Variants in FAM53A observed in about 807,000 individuals in gnomAD.
FAM53A encodes the protein protein FAM53A.
A neutral mutation model predicts 26.6 loss-of-function variants in FAM53A; 28 were observed. That is an observed-to-expected ratio of 1.05 (90% CI 0.78 to 1.45). FAM53A has a LOEUF of 1.45. Among genes scored for constraint, FAM53A ranks in the 40% most tolerant of loss-of-function variants. The probability of loss-of-function intolerance (pLI) is 0.00; values close to 1 mark genes in which losing one functional copy is unlikely to be tolerated. For synonymous variants in FAM53A, 290 were observed against 253.1 expected (o/e 1.15, Z -1.38); for missense variants, 650 against 575.8 (o/e 1.13, Z -1.32).
chr4:1,620,338 C>T (rs1484781049), intron 1 of FAM53A, among the ~76,000 whole-genome samples: 1 of 152,154 alleles, frequency 6.6e-6, no homozygotes, highest in Non-Finnish European at 1.5e-5. Context: ...CCTCCGCAGA[C>T]ATCCCACAGA....
chr4:1,652,387 A>AC (rs1712922708), intron 4 of FAM53A, among the ~76,000 whole-genome samples: 2 of 90,174 alleles, frequency 2.2e-5, no homozygotes, highest in Admixed American at 1.1e-4. Context: ...CACACATCAC[A>AC]TGCACACCAC....
chr4:1,623,341 C>T (rs1375665380), intron 1 of FAM53A, among the ~76,000 whole-genome samples: 1 of 144,894 alleles, frequency 6.9e-6, no homozygotes, highest in East Asian at 1.9e-4. Context: ...CACCCCCACC[C>T]CCACCGCAGC....
intron 2 of FAM53A, among the ~76,000 whole-genome samples, chr4:1,658,262 T>G (rs536906830): frequency 6.7e-6 from 1 of 150,260 alleles, no homozygotes; most frequent in African/African-American, 2.4e-5. Flanking sequence ...CCTCGTGATC[T>G]TCCCGCCTCA....
chr4:1,661,739 C>T (rs1560182597), intron 2 of FAM53A, among the ~76,000 whole-genome samples: 1 of 152,142 alleles, frequency 6.6e-6, no homozygotes, highest in Non-Finnish European at 1.5e-5. Context: ...GTGCCCACTC[C>T]CCTCCCACCG....
Position 1,655,068 on chromosome 4 carries a change from C to A in FAM53A, c.792G>T (p.Val264=). The A allele has an allele frequency of 6.2e-7, 1 of 1,600,452 alleles. No homozygotes were observed. The highest frequency in any genetic ancestry group is 8.5e-7 in the Non-Finnish European group (1 of 1,173,284). ...GLLRCRSQPC[V]LSGKRSRRKR... ...TGCGCCGGCTCCTCTTCCCACTGAG[C>A]ACGCAAGGCTGTGAGCGGCACCGGA... The change falls in exon 4 of 5, where the codon GTG becomes GTT. Residue 264 remains valine (V), a synonymous_variant. Transcript: ENST00000308132.
At chr4:1,616,207 C>A (rs1714805945), downstream of FAM53A, among the ~76,000 whole-genome samples, 1 of 152,200 alleles carries the variant, frequency 6.6e-6, no homozygotes, top group African/African-American at 2.4e-5. Context: ...AATAAAACCA[C>A]AAAATGAAAC....
intron 1 of FAM53A, among the ~76,000 whole-genome samples, chr4:1,623,433 G>A (rs964358457): frequency 5.3e-5 from 8 of 151,890 alleles, no homozygotes; most frequent in South Asian, 2.1e-4. Flanking sequence ...GCTTGGCCAC[G>A]GTCTCAGGCC....
At position 1,649,019 on chromosome 4, in the gene FAM53A, A is replaced by G. The variant is rs113119623; in HGVS notation, c.882+5959T>C. On this transcript the variant is annotated intron_variant, in intron 4 of 4. Coordinates refer to ENST00000308132, the MANE Select transcript of FAM53A (RefSeq NM_001174070.3). ...TCCCAGACACTTGGGAAGCTGACGC[A>G]GGAGAATCTCTGGAATCTGGGAGGC... Among the ~76,000 whole-genome samples the G allele has an allele frequency of 3.8e-3, 572 of 152,284 alleles. 3 individuals carry two copies. The highest frequency in any genetic ancestry group is 0.013 in the African/African-American group (548 of 41,558).
chr4:1,634,350 G>A (rs557494769), intron 1 of FAM53A, among the ~76,000 whole-genome samples: 9 of 151,972 alleles, frequency 5.9e-5, no homozygotes, highest in South Asian at 2.1e-4. Context: ...CTCCACACCC[G>A]TCCACACACA....
At position 1,668,704 on chromosome 4, in the gene FAM53A, C is replaced by A. The variant is rs770548701; in HGVS notation, c.38G>T (p.Ser13Ile). 2 of 1,614,204 alleles carry A rather than the reference C, an allele frequency of 1.2e-6. No individual in the cohort carries two copies. Among genetic ancestry groups the A allele is most frequent in the Admixed American group, 3.3e-5 (2 of 60,028 alleles). ...TLITEKLQSQ[S>I]LDDLTCKAEA... is the part of the protein sequence containing the mutation. ...CGCCTTGCAGGTGAGGTCGTCCAGGCTCTGGCTCTGCAGCTTCTCAGTGAT... is the reference window on the plus strand; with the variant it reads ...CGCCTTGCAGGTGAGGTCGTCCAGGATCTGGCTCTGCAGCTTCTCAGTGAT... The change falls in exon 2 of 5, where the codon AGC (serine) becomes ATC (isoleucine). Residue 13 changes from serine (S) to isoleucine (I), a missense_variant. Transcript: ENST00000308132.
chr4:1,609,792 G>A, the FAM53A span, among the ~76,000 whole-genome samples: 15 of 151,952 alleles, frequency 9.9e-5, no homozygotes, highest in East Asian at 3.9e-4. Context: ...GTGAAACCCC[G>A]TCTCTACTAA....
chr4:1,661,216 C>T (rs1453310398), intron 2 of FAM53A, among the ~76,000 whole-genome samples: 2 of 152,110 alleles, frequency 1.3e-5, no homozygotes, highest in East Asian at 3.9e-4. Context: ...TGCCCCCAGG[C>T]TCCCACCCTC....
chr4:1,658,704 C>T (rs1295524715), intron 2 of FAM53A, among the ~76,000 whole-genome samples: 1 of 152,258 alleles, frequency 6.6e-6, no homozygotes, highest in African/African-American at 2.4e-5. Flanking sequence ...TGGCAGGTCA[C>T]GGCTTGGAGG....
At chr4:1,575,117 C>A in the FAM53A span, among the ~76,000 whole-genome samples, 4 of 152,166 alleles carry the variant, frequency 2.6e-5, no homozygotes, top group East Asian at 7.7e-4. Context: ...GTGCCCACTG[C>A]CTGCCCATGC....
At chr4:1,628,726 GA>G (rs1376106299) in intron 1 of FAM53A, among the ~76,000 whole-genome samples, 1 of 778 alleles carries the variant, frequency 1.3e-3, no homozygotes, top group Non-Finnish European at 2.4e-3. Flanking sequence ...TGGCATGGGG[GA>G]GTGGCATGGG....
chr4:1,611,147 G>C, the FAM53A span, among the ~76,000 whole-genome samples: 1 of 152,228 alleles, frequency 6.6e-6, no homozygotes, highest in Admixed American at 6.5e-5. Context: ...ACCCAGCCCG[G>C]CTCACAGGAA....
the FAM53A span, among the ~76,000 whole-genome samples, chr4:1,607,543 C>T: frequency 6.6e-6 from 1 of 152,062 alleles, no homozygotes; most frequent in Non-Finnish European, 1.5e-5. Context: ...TTTTCCATAT[C>T]ACATCCTTTC....
the FAM53A span, among the ~76,000 whole-genome samples, chr4:1,612,471 G>A: frequency 3.3e-5 from 5 of 152,084 alleles, no homozygotes; most frequent in Admixed American, 6.5e-5. Context: ...AGACACACAC[G>A]AAGGCATGCG....
chr4:1,655,658 C>G lies in FAM53A; in HGVS notation c.202G>C (p.Asp68His), dbSNP rs769330638. 6.3e-6 allele frequency: 10 copies of G among 1,596,442 alleles called. No individual in the cohort carries two copies. The highest frequency in any genetic ancestry group is 8.5e-6 in the Non-Finnish European group (10 of 1,173,134). ...PVRSQAATGP[D>H]FSFLPGLSAA... is the part of the protein sequence containing the mutation. ...GACAGGCCCGGCAGGAAGGAGAAAT[C>G]AGGGCCCGTGGCTGCCTGGCTTCTG... The change falls in exon 4 of 5, where the codon GAT becomes CAT. Residue 68 changes from aspartate to histidine, a missense_variant. Physicochemically the swap from Asp to His is moderately conservative, Grantham distance 81. Coordinates refer to ENST00000308132, the MANE Select transcript of FAM53A (RefSeq NM_001174070.3).
Sources: allele counts gnomAD v4.1 joint callset (sites outside exome capture counted in the v4.1 genomes callset), GRCh38; gene constraint gnomAD v4.1.1; transcripts MANE v1.5; gene names NCBI Gene and HGNC (gene_info 2026-07-23, HGNC 2026-07-21).